IPO13: variants seen among roughly 807,000 people sequenced by gnomAD.
IPO13 encodes importin-13.
In IPO13, 28 loss-of-function variants were observed where a neutral mutation model predicts 115.5. The ratio of observed to expected loss-of-function variants is 0.24; its 90% CI spans 0.18 to 0.33. IPO13 has a LOEUF of 0.33. IPO13 is among the 10% of genes least tolerant of loss of function. The pLI, the probability that IPO13 is intolerant of heterozygous loss-of-function variation, is 1.00. For synonymous variants in IPO13, 414 were observed against 478.9 expected, an observed-to-expected ratio of 0.86 and a Z score of 1.77; for missense variants, 785 against 1,204.6, an observed-to-expected ratio of 0.65 and a Z score of 5.16.
At position 43,947,694 on chromosome 1, in the gene IPO13, C is replaced by A. The variant is rs1210863788; in HGVS notation, c.84+10C>A. 1.6e-6 allele frequency: 2 copies of A among 1,289,770 alleles called. No individual in the cohort carries two copies. The highest frequency in any genetic ancestry group is 2.5e-5 in the South Asian group (1 of 40,234). 79.9% of individuals were successfully genotyped at this position (1,289,770 alleles called of 1,614,324 possible). A position where few individuals can be genotyped will look rare whatever the true frequency, so the allele number is the denominator to read the frequency against. The stretch of plus-strand genomic sequence containing the variant: ...GGAGAACGTGGAGAAGGTATGAGGG[C>A]TCTGGGGTGGGCACTCCAGTGACAG... On this transcript the variant is annotated intron_variant, in intron 1 of 19. Transcript: ENST00000372343.
rs2085323736 is a variant in IPO13, at chr1:43,966,250, G to C, written c.2398-325G>C. On this transcript the variant is annotated intron_variant, in intron 15 of 19. Transcript: ENST00000372343. This position sits in a 1 kb window ranked among gnomAD's most constrained non-coding sequence, Gnocchi z 4.1. The stretch of plus-strand genomic sequence containing the variant: ...ACATGAAGTCACTGCTGGCAACCTA[G>C]AGCCTGCGAGACATCTGGCCCTGAT... 1 of 455,964 alleles carries C rather than the reference G, an allele frequency of 2.2e-6. No individual in the cohort carries two copies. Among genetic ancestry groups the C allele is most frequent in the South Asian group, 2.2e-5 (1 of 45,262 alleles). 28.2% of individuals were successfully genotyped at this position (455,964 alleles called of 1,614,324 possible).
rs141057238 is a variant in IPO13 at position 43,955,751 on chromosome 1, A to G, written c.822-569A>G. 2.8e-3 allele frequency among the ~76,000 whole-genome samples: 425 copies of G among 152,298 alleles called. 4 individuals are homozygous for G. Among genetic ancestry groups the G allele is most frequent in the African/African-American group, 9.7e-3 (405 of 41,572 alleles). ...ACATTTTGAGGTACTGGGGATTAAG[A>G]TTTATCAAAAAATGTATCTTTTTGT... is the stretch of plus-strand genomic sequence containing the variant. On this transcript the variant is annotated intron_variant, in intron 2 of 19. Transcript: ENST00000372343.
Position 43,967,204 on chromosome 1 carries a change from C to A in IPO13, c.2614-111C>A. The A allele has an allele frequency of 8.1e-7, 1 of 1,240,270 alleles. No homozygotes were observed. Among genetic ancestry groups the A allele is most frequent in the Non-Finnish European group, 1.2e-6 (1 of 860,876 alleles). 76.8% of individuals were successfully genotyped at this position (1,240,270 alleles called of 1,614,324 possible). The stretch of plus-strand genomic sequence containing the variant: ...GCTGGCTCTCAAAAAGCAGCGCTCA[C>A]TGTGATGTGCAGTTTGGCTTAGGAA... On this transcript the variant is annotated intron_variant, in intron 18 of 19. Transcript: ENST00000372343. This position sits in a 1 kb window ranked among gnomAD's most constrained non-coding sequence, Gnocchi z 6.1.
At chr1:43,960,454 A>T in intron 12 of IPO13, 125 bp downstream of exon 12, 1 of 848,592 alleles carries the variant, frequency 1.2e-6, no homozygotes, top group Non-Finnish European at 2.0e-6. Context: ...ATCCTGCCCC[A>T]TAGAGATAAG....
rs1435221192 is a variant in IPO13 at position 43,967,579 on chromosome 1, C to T, written c.2796-7C>T. ...GGTGCTAACCTGCTCTCCCTTTTCT[C>T]CTTCAGCGAGCGAGTGAACAAGAGG... On this transcript the variant is annotated splice_region_variant and splice_polypyrimidine_tract_variant and intron_variant, in intron 19 of 19. Coordinates refer to ENST00000372343, the MANE Select transcript of IPO13 (RefSeq NM_014652.4). This position sits in a 1 kb window ranked among gnomAD's most constrained non-coding sequence, Gnocchi z 6.1. The T allele has an allele frequency of 1.9e-6, 3 of 1,614,088 alleles. No homozygotes were observed. The highest frequency in any genetic ancestry group is 1.7e-5 in the Admixed American group (1 of 60,018).
chr1:43,947,788 G>GC (rs1490286884), intron 1 of IPO13, 104 bp downstream of exon 1: 1 of 540,988 alleles, frequency 1.8e-6, no homozygotes, highest in Admixed American at 4.4e-5. Flanking sequence ...CTGGTATGGT[G>GC]CCCCCAGAGC....
At chr1:43,961,403 A>G in intron 14 of IPO13, 141 bp downstream of exon 14, 1 of 743,782 alleles carries the variant, frequency 1.3e-6, no homozygotes. Flanking sequence ...TGTGAGATCA[A>G]GCACAACACC....
intron 14 of IPO13, among the ~76,000 whole-genome samples, chr1:43,962,765 G>A (rs1461076823): frequency 6.6e-6 from 1 of 152,216 alleles, no homozygotes; most frequent in Non-Finnish European, 1.5e-5. Context: ...TAACTGTACT[G>A]AAACTGCATC....
rs1230940577 is a variant in IPO13, at chr1:43,957,107, T to TG, written c.1272-83dup. ...TTTTCTAGGTATTGTTGCAGAGTTG[T>TG]GGGGGTACTGGGGTAGGCTCCTGGG... On this transcript the variant is annotated intron_variant, in intron 5 of 19. Coordinates refer to ENST00000372343, the MANE Select transcript of IPO13 (RefSeq NM_014652.4). 3 of 1,571,386 alleles carry TG rather than the reference T, an allele frequency of 1.9e-6. No individual in the cohort carries two copies. In the African/African-American group the frequency reaches 4.1e-5, roughly 21 times the overall value.
Position 43,958,193 on chromosome 1 carries a change from A to G in IPO13, c.1722+35A>G. On this transcript the variant is annotated intron_variant, in intron 8 of 19. Transcript: ENST00000372343. The surrounding 1 kb of genome is among the most constrained non-coding windows in gnomAD (Gnocchi z 6.3). ...GGCCCTGGATGGTGCTGGGCCTCAG[A>G]GCACACTCTGCACTGTGCTGATACT... is the stretch of plus-strand genomic sequence containing the variant. The G allele has an allele frequency of 6.2e-7, 1 of 1,614,096 alleles. No individual in the cohort carries two copies. The highest frequency in any genetic ancestry group is 1.1e-5 in the South Asian group (1 of 91,086).
Position 43,956,802 on chromosome 1 carries a change from T to G in IPO13, c.1105-8T>G. Reference sequence around the variant, plus strand: ...GAGGTGGCTAATTCTCTTCCCTGGCTCTCTCAGGATGATATTCTATCCTTT... The same window carrying G: ...GAGGTGGCTAATTCTCTTCCCTGGCGCTCTCAGGATGATATTCTATCCTTT... On this transcript the variant is annotated splice_polypyrimidine_tract_variant and splice_region_variant and intron_variant, in intron 4 of 19. Coordinates refer to ENST00000372343, the MANE Select transcript of IPO13 (RefSeq NM_014652.4). This position sits in a 1 kb window ranked among gnomAD's most constrained non-coding sequence, Gnocchi z 4.7. 1 of 1,614,008 alleles carries G rather than the reference T, an allele frequency of 6.2e-7. No homozygotes were observed. The highest frequency in any genetic ancestry group is 8.5e-7 in the Non-Finnish European group (1 of 1,179,920).
rs756151693 is a variant in IPO13 at position 43,966,794 on chromosome 1, G to C, written c.2523+12G>C. 7.4e-6 allele frequency: 12 copies of C among 1,613,974 alleles called. No individual in the cohort carries two copies. The highest frequency in any genetic ancestry group is 1.0e-5 in the Non-Finnish European group (12 of 1,179,934). On this transcript the variant is annotated intron_variant, in intron 17 of 19. Transcript: ENST00000372343. This position sits in a 1 kb window ranked among gnomAD's most constrained non-coding sequence, Gnocchi z 4.1. Reference sequence around the variant, plus strand: ...CCTGTGGCTTCTTTGTGAGTCCCATGCTGAACCCTGACCCACTGCCACCCC... The same window carrying C: ...CCTGTGGCTTCTTTGTGAGTCCCATCCTGAACCCTGACCCACTGCCACCCC...
chr1:43,960,135 T>A, intron 11 of IPO13, 114 bp from the exon 12 acceptor site: 2 of 894,430 alleles, frequency 2.2e-6, no homozygotes, highest in Non-Finnish European at 3.7e-6. Context: ...GTCCTCAATG[T>A]GTGTTCTGGG....
chr1:43,962,927 C>T (rs775934110), intron 14 of IPO13, among the ~76,000 whole-genome samples: 3 of 152,224 alleles, frequency 2.0e-5, no homozygotes, highest in African/African-American at 4.8e-5. Context: ...CAGCAGGCCA[C>T]AGACACTGTT....
Position 43,961,207 on chromosome 1 carries a change from A to G in IPO13, c.2289A>G (p.Pro763=), listed in dbSNP as rs767539028. The change falls in exon 14 of 20, where the codon CCA becomes CCG. Residue 763 remains proline, a synonymous_variant. Transcript: ENST00000372343. ...CTCATGAGCCTGCCCACTTTCCCCCAATTGAGGCCCTCTTCCTGCTCGTCA... is the reference window on the plus strand; with the variant it reads ...CTCATGAGCCTGCCCACTTTCCCCCGATTGAGGCCCTCTTCCTGCTCGTCA... ...IFAHEPAHFP[P]IEALFLLVTS... is the part of the protein sequence containing the mutation. The G allele has an allele frequency of 6.2e-7, 1 of 1,613,996 alleles. No individual in the cohort carries two copies. The highest frequency in any genetic ancestry group is 2.2e-5 in the East Asian group (1 of 44,880).
At position 43,956,103 on chromosome 1, in the gene IPO13, C is replaced by T. The variant is rs1486864134; in HGVS notation, c.822-217C>T. Among the ~76,000 whole-genome samples the T allele has an allele frequency of 1.3e-5, 2 of 152,010 alleles. No homozygotes were observed. Among genetic ancestry groups the T allele is most frequent in the Non-Finnish European group, 2.9e-5 (2 of 68,018 alleles). On this transcript the variant is annotated intron_variant, in intron 2 of 19. Transcript: ENST00000372343. This position sits in a 1 kb window ranked among gnomAD's most constrained non-coding sequence, Gnocchi z 4.7. ...AACCCATAATGCTGACCTTCTCATA[C>T]GTCCTTCTCAGAGTTCTTCTGGGGG...
chr1:43,960,342 C>T lies in IPO13; in HGVS notation c.2109+13C>T. 6.2e-7 allele frequency: 1 copy of T among 1,611,366 alleles called. No homozygotes were observed. Among genetic ancestry groups the T allele is most frequent in the Non-Finnish European group, 8.5e-7 (1 of 1,177,510 alleles). The stretch of plus-strand genomic sequence containing the variant: ...CCAGGTTGTGGAGGTGAGCCCTGAC[C>T]CTTGCCCTCCGCTCCCATAGTGACT... On this transcript the variant is annotated intron_variant, in intron 12 of 19. Coordinates refer to ENST00000372343, the MANE Select transcript of IPO13 (RefSeq NM_014652.4).
rs948920938 is a variant in IPO13, at chr1:43,947,140, C to G, written c.-461C>G. ...GACGCCTCCGTAACCACGAAGGGCT[C>G]TCTCTCTCCCGTGACCCTCCAGCCC... On this transcript the variant is annotated 5_prime_UTR_variant, in exon 1 of 20. Transcript: ENST00000372343. 3 of 398,828 alleles carry G rather than the reference C, an allele frequency of 7.5e-6. No individual in the cohort carries two copies. The highest frequency in any genetic ancestry group is 1.3e-5 in the Non-Finnish European group (3 of 226,310). 24.7% of individuals were successfully genotyped at this position (398,828 alleles called of 1,614,324 possible). A position where few individuals can be genotyped will look rare whatever the true frequency, so the allele number is the denominator to read the frequency against.
At chr1:43,951,388 G>A (rs953166598) in intron 2 of IPO13, among the ~76,000 whole-genome samples, 11 of 152,292 alleles carry the variant, frequency 7.2e-5, no homozygotes, top group African/African-American at 2.4e-4. Flanking sequence ...GAAAGGATTC[G>A]CAGAGGAAGT....
Sources: gnomAD v4.1 joint callset for allele counts (sites outside exome capture counted in the v4.1 genomes callset) on GRCh38, gnomAD v4.1.1 for gene constraint, Gnocchi (gnomAD v3.1) non-coding constraint, MANE v1.5 for transcripts, NCBI Gene and HGNC (gene_info 2026-07-23, HGNC 2026-07-21) for gene names.